Variants in ZDHHC18 observed in about 807,000 individuals in gnomAD.
ZDHHC18 encodes the protein palmitoyltransferase ZDHHC18.
A neutral mutation model predicts 37.5 loss-of-function variants in ZDHHC18; 23 were observed. The ratio of observed to expected loss-of-function variants is 0.61; its 90% CI spans 0.44 to 0.87. ZDHHC18 has a LOEUF of 0.87. Ranked by LOEUF, ZDHHC18 falls within the 40% of genes least tolerant of loss-of-function variation. The probability of loss-of-function intolerance (pLI) is 0.00; values close to 1 mark genes in which losing one functional copy is unlikely to be tolerated. For synonymous variants in ZDHHC18, 185 were observed against 218.7 expected (o/e 0.85, Z 1.36); for missense variants, 406 against 525.6 (o/e 0.77, Z 2.22).
intron 1 of ZDHHC18, among the ~76,000 whole-genome samples, chr1:26,830,536 A>G (rs747894905): frequency 1.3e-5 from 2 of 152,206 alleles, no homozygotes; most frequent in Non-Finnish European, 2.9e-5. Flanking sequence ...CTATCTGTAC[A>G]TAGCACAGTA....
chr1:26,842,852 T>C (rs948800065), intron 2 of ZDHHC18, among the ~76,000 whole-genome samples: 9 of 152,240 alleles, frequency 5.9e-5, no homozygotes, highest in Admixed American at 5.2e-4. Flanking sequence ...TAAATAATCA[T>C]TGGAGGCCAG....
intron 3 of ZDHHC18, among the ~76,000 whole-genome samples, chr1:26,849,668 G>A (rs1453119016): frequency 2.0e-5 from 3 of 152,240 alleles, no homozygotes; most frequent in African/African-American, 7.2e-5. Context: ...ACAGTGTGCA[G>A]GTGAGCTCAG....
chr1:26,835,649 C>G (rs541083405), intron 2 of ZDHHC18, among the ~76,000 whole-genome samples: 1 of 152,250 alleles, frequency 6.6e-6, no homozygotes, highest in African/African-American at 2.4e-5. Flanking sequence ...TGCAGTGAGC[C>G]AAGGTTGCGC....
At chr1:26,846,361 C>T (rs1171812691) in intron 2 of ZDHHC18, among the ~76,000 whole-genome samples, 23 of 102,050 alleles carry the variant, frequency 2.3e-4, no homozygotes, top group African/African-American at 7.4e-4. Flanking sequence ...GAGTCTCGCT[C>T]TGTCTCCCAG....
rs147787372 is a variant in ZDHHC18, at chr1:26,850,521, C to T, written c.785-37C>T. On this transcript the variant is annotated intron_variant, in intron 4 of 7. Transcript: ENST00000374142. This position sits in a 1 kb window ranked among gnomAD's most constrained non-coding sequence, Gnocchi z 6.1. The stretch of plus-strand genomic sequence containing the variant: ...TCAGCAAGCTTCAGCAGTCACTGTC[C>T]CTCTGAGCTTGTCCTCTCCTGTTTC... 7.6e-4 allele frequency: 1,231 copies of T among 1,614,202 alleles called. 1 individual carries two copies. Among genetic ancestry groups the T allele is most frequent in the Non-Finnish European group, 8.3e-4 (981 of 1,180,030 alleles).
intron 1 of ZDHHC18, 42 bp downstream of exon 1, chr1:26,827,181 G>T: frequency 8.4e-7 from 1 of 1,188,680 alleles, no homozygotes; most frequent in Non-Finnish European, 1.0e-6. Flanking sequence ...GCCCCCTGCC[G>T]CGCACCCCAC....
At chr1:26,848,239 G>A (rs911719872) in intron 2 of ZDHHC18, among the ~76,000 whole-genome samples, 47 of 152,102 alleles carry the variant, frequency 3.1e-4, no homozygotes, top group African/African-American at 1.0e-3. Context: ...TTGAACCTGC[G>A]AGGTGGAGGT....
rs756966485 is a variant in ZDHHC18 at position 26,853,777 on chromosome 1, C to T, written c.1101C>T (p.Pro367=). Residue 367 remains proline, a synonymous_variant, in exon 8 of 8, where the codon CCC becomes CCT. Transcript: ENST00000374142. Reference sequence around the variant, plus strand: ...AGTCCGACACCGTGTTGCCCTCACCCATCAGAAGCGATGAGCCAGCCTGCA... The same window carrying T: ...AGTCCGACACCGTGTTGCCCTCACCTATCAGAAGCGATGAGCCAGCCTGCA... ...FVQSDTVLPS[P]IRSDEPACRA... 6.2e-7 allele frequency: 1 copy of T among 1,614,092 alleles called. No individual in the cohort carries two copies. Among genetic ancestry groups the T allele is most frequent in the Non-Finnish European group, 8.5e-7 (1 of 1,180,038 alleles).
Position 26,827,061 on chromosome 1 carries a change from T to G in ZDHHC18, c.257T>G (p.Met86Arg). 7.3e-7 allele frequency: 1 copy of G among 1,377,930 alleles called. No individual in the cohort carries two copies. The highest frequency in any genetic ancestry group is 9.4e-7 in the Non-Finnish European group (1 of 1,066,666). The allele number at this position is 1,377,930 out of a possible 1,614,324, so 85.4% of individuals were successfully genotyped here. A position where few individuals can be genotyped will look rare whatever the true frequency, so the allele number is the denominator to read the frequency against. Residue 86 changes from methionine (M) to arginine (R), a missense_variant, in exon 1 of 8, where the codon ATG becomes AGG. By Grantham distance (91) the Met-to-Arg change is moderately conservative (BLOSUM62 -1). Transcript: ENST00000374142. ...RNRFYCGGRL[M>R]LAGHGGVFAL... ...CGCTTCTACTGCGGCGGCCGCCTCA[T>G]GCTGGCCGGCCACGGCGGCGTCTTC... is the stretch of plus-strand genomic sequence containing the variant.
chr1:26,842,981 C>T (rs2081645975), intron 2 of ZDHHC18, among the ~76,000 whole-genome samples: 1 of 152,134 alleles, frequency 6.6e-6, no homozygotes, highest in African/African-American at 2.4e-5. Context: ...TGGAAGGAGC[C>T]ACTGTTCAGG....
In ZDHHC18 at chr1:26,850,709, C is replaced by G; in HGVS notation, c.833+103C>G. The G allele has an allele frequency of 7.6e-7, 1 of 1,314,946 alleles. No homozygotes were observed. Among genetic ancestry groups the G allele is most frequent in the South Asian group, 1.2e-5 (1 of 80,276 alleles). The allele number at this position is 1,314,946 out of a possible 1,614,324, so 81.5% of individuals were successfully genotyped here. A position where few individuals can be genotyped will look rare whatever the true frequency, so the allele number is the denominator to read the frequency against. The stretch of plus-strand genomic sequence containing the variant: ...AATCAGAAGGGAACAGCGTACAGCT[C>G]ACATGTGTCCTCCAGAATCCAACAT... On this transcript the variant is annotated intron_variant, in intron 5 of 7. Transcript: ENST00000374142. This position sits in a 1 kb window ranked among gnomAD's most constrained non-coding sequence, Gnocchi z 6.1.
At chr1:26,837,593 C>A (rs2081619000) in intron 2 of ZDHHC18, among the ~76,000 whole-genome samples, 1 of 151,752 alleles carries the variant, frequency 6.6e-6, no homozygotes, top group East Asian at 1.9e-4. Context: ...GACTCTCCTG[C>A]CTCAGCCTCC....
chr1:26,854,169 G>T lies in ZDHHC18; in HGVS notation c.*326G>T. 1 of 255,324 alleles carries T rather than the reference G, an allele frequency of 3.9e-6. No individual in the cohort carries two copies. Among genetic ancestry groups the T allele is most frequent in the Admixed American group, 4.9e-5 (1 of 20,362 alleles). 15.8% of individuals were successfully genotyped at this position (255,324 alleles called of 1,614,324 possible). On this transcript the variant is annotated 3_prime_UTR_variant, in exon 8 of 8. Transcript: ENST00000374142. The surrounding 1 kb of genome is among the most constrained non-coding windows in gnomAD (Gnocchi z 4.6). ...GTGTGAGTGAGGCTGTGAACTGAGC[G>T]TGAGGCCTCCCAGGTGGGGGAACTG...
chr1:26,844,315 A>C (rs2124260626), intron 2 of ZDHHC18, among the ~76,000 whole-genome samples: 1 of 152,214 alleles, frequency 6.6e-6, no homozygotes, highest in East Asian at 1.9e-4. Flanking sequence ...CTGGGATTAT[A>C]GGTGTAAGCC....
At chr1:26,838,664 C>G (rs577829539) in intron 2 of ZDHHC18, among the ~76,000 whole-genome samples, 2 of 152,372 alleles carry the variant, frequency 1.3e-5, no homozygotes, top group Admixed American at 1.3e-4. Context: ...TGATCAGCTT[C>G]TTAAGTTTAC....
At position 26,856,555 on chromosome 1, in the gene ZDHHC18, AC is replaced by A. The variant is rs2081735311; in HGVS notation, c.*2714del. 5.0e-6 allele frequency: 1 copy of A among 201,110 alleles called. No homozygotes were observed. Among genetic ancestry groups the A allele is most frequent in the Non-Finnish European group, 1.1e-5 (1 of 91,404 alleles). The allele number at this position is 201,110 out of a possible 1,614,324, so 12.5% of individuals were successfully genotyped here. Reference sequence around the variant, plus strand: ...GGTGAGGCTGGGGAGAGGATGGCGAACCTGCCCTGAGGTGCTTGGGTCTGTG... The same window carrying A: ...GGTGAGGCTGGGGAGAGGATGGCGAACTGCCCTGAGGTGCTTGGGTCTGTG... On this transcript the variant is annotated 3_prime_UTR_variant, in exon 8 of 8. Coordinates refer to ENST00000374142, the MANE Select transcript of ZDHHC18 (RefSeq NM_032283.3). The surrounding 1 kb of genome is among the most constrained non-coding windows in gnomAD (Gnocchi z 5.2).
rs990135032 is a variant in ZDHHC18, at chr1:26,856,114, C to T, written c.*2271C>T. On this transcript the variant is annotated 3_prime_UTR_variant, in exon 8 of 8. Transcript: ENST00000374142. This position sits in a 1 kb window ranked among gnomAD's most constrained non-coding sequence, Gnocchi z 5.2. Reference sequence around the variant, plus strand: ...GAGCCGGAGCTTCCCTGGCTACCACCTCCAACCTGGGCACCAGGGCCCAGC... The same window carrying T: ...GAGCCGGAGCTTCCCTGGCTACCACTTCCAACCTGGGCACCAGGGCCCAGC... The T allele has an allele frequency of 3.1e-5, 13 of 423,428 alleles. No homozygotes were observed. The highest frequency in any genetic ancestry group is 2.6e-4 in the African/African-American group (13 of 49,566). 26.2% of individuals were successfully genotyped at this position (423,428 alleles called of 1,614,324 possible).
intron 7 of ZDHHC18, 81 bp downstream of exon 7, chr1:26,852,946 TC>T: frequency 7.9e-7 from 1 of 1,272,882 alleles, no homozygotes; most frequent in Non-Finnish European, 1.1e-6. Context: ...TCAGCCGACC[TC>T]CCCCTACACC....
intron 2 of ZDHHC18, among the ~76,000 whole-genome samples, chr1:26,847,085 C>A (rs748819617): frequency 6.6e-6 from 1 of 151,708 alleles, no homozygotes; most frequent in East Asian, 2.0e-4. Context: ...TTAGTAGAGA[C>A]GGGGTTTCAC....
Sources: gnomAD v4.1 joint callset for allele counts (sites outside exome capture counted in the v4.1 genomes callset) on GRCh38, gnomAD v4.1.1 for gene constraint, Gnocchi (gnomAD v3.1) non-coding constraint, MANE v1.5 for transcripts, NCBI Gene and HGNC (gene_info 2026-07-23, HGNC 2026-07-21) for gene names.